The following SOHLH2 variants were observed in gnomAD, a reference collection of about 807,000 sequenced individuals.
SOHLH2 encodes the protein spermatogenesis- and oogenesis-specific basic helix-loop-helix-containing protein 2.
In SOHLH2, 22 loss-of-function variants were observed where a neutral mutation model predicts 50.4. The ratio of observed to expected loss-of-function variants is 0.44; its 90% CI spans 0.31 to 0.62. The LOEUF is 0.62. Among genes scored for constraint, SOHLH2 ranks in the 20% least tolerant of loss-of-function variants. The probability of loss-of-function intolerance (pLI) is 0.08; values close to 1 mark genes in which losing one functional copy is unlikely to be tolerated. For synonymous variants in SOHLH2, 185 were observed against 187.3 expected, an observed-to-expected ratio of 0.99 and a Z score of 0.10; for missense variants, 412 against 504.4, an observed-to-expected ratio of 0.82 and a Z score of 1.76.
Position 36,202,038 on chromosome 13 carries a change from G to A in SOHLH2, c.104C>T (p.Thr35Ile), listed in dbSNP as rs117864155. 2,217 of 1,614,234 alleles carry A rather than the reference G, an allele frequency of 1.4e-3. 2 individuals are homozygous for A. Among genetic ancestry groups the A allele is most frequent in the Non-Finnish European group, 1.7e-3 (2,053 of 1,180,044 alleles). The stretch of plus-strand genomic sequence containing the variant: ...TATGTTTGCAAATAGTTTCTGTACA[G>A]TATCAGCCAGGTAGCCCACAGTGAC... ...GDVTVGYLAD[T>I]VQKLFANIAE... is the part of the protein sequence containing the mutation. The change falls in exon 2 of 11, where the codon ACT (threonine) becomes ATT (isoleucine). Residue 35 changes from threonine to isoleucine, a missense_variant. Thr to Ile is a moderately conservative substitution (Grantham distance 89). Transcript: ENST00000379881.
At chr13:36,198,387 A>G (rs1887798805) in intron 2 of SOHLH2, among the ~76,000 whole-genome samples, 2 of 152,230 alleles carry the variant, frequency 1.3e-5, no homozygotes, top group Non-Finnish European at 2.9e-5. Flanking sequence ...AGTATCCTCA[A>G]TTGTGAAAAC....
At chr13:36,177,275 C>T (rs1887119874) in intron 6 of SOHLH2, among the ~76,000 whole-genome samples, 1 of 152,094 alleles carries the variant, frequency 6.6e-6, no homozygotes, top group Non-Finnish European at 1.5e-5. Flanking sequence ...CACTGAGCAA[C>T]AGTATTCAAA....
At chr13:36,175,612 C>T (rs1376140311) in intron 6 of SOHLH2, among the ~76,000 whole-genome samples, 3 of 152,316 alleles carry the variant, frequency 2.0e-5, no homozygotes, top group East Asian at 1.9e-4. Context: ...GTGCTGAATA[C>T]TACCTTGACA....
At chr13:36,203,445 G>C (rs1364858140) in intron 1 of SOHLH2, among the ~76,000 whole-genome samples, 1 of 152,256 alleles carries the variant, frequency 6.6e-6, no homozygotes, top group South Asian at 2.1e-4. Flanking sequence ...TATTTTCGAT[G>C]ATGACAATTG....
intron 4 of SOHLH2, 104 bp downstream of exon 4, chr13:36,193,517 T>G: frequency 2.4e-6 from 3 of 1,268,308 alleles, no homozygotes; most frequent in Non-Finnish European, 3.2e-6. Flanking sequence ...AGAATACATA[T>G]TTCTCCCTTT....
chr13:36,180,312 T>G (rs981457847), intron 6 of SOHLH2, among the ~76,000 whole-genome samples: 2 of 152,110 alleles, frequency 1.3e-5, no homozygotes, highest in African/African-American at 4.8e-5. Flanking sequence ...CTTATTTGGG[T>G]TTATTTTGTT....
At position 36,214,556 on chromosome 13, in the gene SOHLH2, C is replaced by A. The variant is rs1418743848; in HGVS notation, c.-30G>T. On this transcript the variant is annotated 5_prime_UTR_variant, in exon 1 of 11. Coordinates refer to ENST00000379881, the MANE Select transcript of SOHLH2 (RefSeq NM_017826.3). ...GCTGCGCACGTGCTGGGTCCTGGGG[C>A]AGCCTCCCAGCAGGAGGAGCTCCAC... 6.2e-7 allele frequency: 1 copy of A among 1,604,916 alleles called. No individual in the cohort carries two copies. The highest frequency in any genetic ancestry group is 1.3e-5 in the African/African-American group (1 of 74,792).
At chr13:36,200,973 C>T (rs1299316825) in intron 2 of SOHLH2, among the ~76,000 whole-genome samples, 1 of 138,078 alleles carries the variant, frequency 7.2e-6, no homozygotes, top group Non-Finnish European at 1.5e-5. Context: ...CACTTGAACC[C>T]GGGAGGTGCA....
At chr13:36,189,352 C>T (rs980145636) in intron 6 of SOHLH2, among the ~76,000 whole-genome samples, 2 of 152,092 alleles carry the variant, frequency 1.3e-5, no homozygotes, top group African/African-American at 4.8e-5. Flanking sequence ...ATACCCAGCC[C>T]CTACTTACTA....
chr13:36,213,194 C>CAA (rs964674298), intron 1 of SOHLH2, among the ~76,000 whole-genome samples: 3 of 152,172 alleles, frequency 2.0e-5, no homozygotes, highest in African/African-American at 7.2e-5. Flanking sequence ...GCTTCACACT[C>CAA]TCTTAAGGGG....
chr13:36,201,754 G>A (rs1389538312), intron 2 of SOHLH2, 125 bp downstream of exon 2: 15 of 1,382,202 alleles, frequency 1.1e-5, no homozygotes, highest in Middle Eastern at 4.9e-4. Flanking sequence ...ACACGCATGA[G>A]CCAATCCCTG....
intron 1 of SOHLH2, among the ~76,000 whole-genome samples, chr13:36,209,527 A>G (rs554607378): frequency 4.2e-4 from 64 of 152,280 alleles, no homozygotes; most frequent in African/African-American, 1.5e-3. Context: ...TTGTGTTCTC[A>G]CATGGTGGAG....
intron 6 of SOHLH2, among the ~76,000 whole-genome samples, chr13:36,178,826 T>G (rs1246081047): frequency 6.6e-6 from 1 of 152,014 alleles, no homozygotes; most frequent in East Asian, 1.9e-4. Context: ...ATTTGTTTTT[T>G]TTTTTTTGCA....
chr13:36,201,175 G>A (rs1201228188), intron 2 of SOHLH2, among the ~76,000 whole-genome samples: 1 of 151,996 alleles, frequency 6.6e-6, no homozygotes, highest in Non-Finnish European at 1.5e-5. Context: ...CATGGCTCCA[G>A]GAGACACCTC....
At chr13:36,209,151 T>C (rs1467640690) in intron 1 of SOHLH2, among the ~76,000 whole-genome samples, 2 of 152,156 alleles carry the variant, frequency 1.3e-5, no homozygotes, top group Non-Finnish European at 2.9e-5. Context: ...CTCTCAGAGA[T>C]TTCTTCATTT....
At chr13:36,207,067 A>G (rs1308146219) in intron 1 of SOHLH2, among the ~76,000 whole-genome samples, 2 of 151,660 alleles carry the variant, frequency 1.3e-5, no homozygotes, top group South Asian at 4.2e-4. Flanking sequence ...ACTTTTCTTT[A>G]TCATCTTTTC....
chr13:36,196,779 A>G (rs1281268952), intron 2 of SOHLH2, among the ~76,000 whole-genome samples: 1 of 152,174 alleles, frequency 6.6e-6, no homozygotes, highest in Admixed American at 6.5e-5. Flanking sequence ...ATGACTTTCA[A>G]ATTTCAAGCT....
intron 1 of SOHLH2, among the ~76,000 whole-genome samples, chr13:36,212,661 C>T (rs753923765): frequency 2.0e-5 from 3 of 152,124 alleles, no homozygotes; most frequent in African/African-American, 4.8e-5. Flanking sequence ...GCTTACTACA[C>T]CTTTGTAAAC....
At chr13:36,196,097 AAGATAGATAGAT>A (rs35207535) in intron 2 of SOHLH2, among the ~76,000 whole-genome samples, 15 of 145,704 alleles carry the variant, frequency 1.0e-4, no homozygotes, top group East Asian at 6.0e-4. Flanking sequence ...GACAGACAGA[AAGATAGATAGAT>A]AGATAGATAG....
Sources: gnomAD v4.1 joint callset for allele counts (sites outside exome capture counted in the v4.1 genomes callset) on GRCh38, gnomAD v4.1.1 for gene constraint, MANE v1.5 for transcripts, NCBI Gene and HGNC (gene_info 2026-07-23, HGNC 2026-07-21) for gene names.